Variants in RPH3AL observed in about 807,000 individuals in gnomAD.
RPH3AL encodes rab effector Noc2.
Under a neutral mutation model 43.1 loss-of-function variants are expected in RPH3AL, and 38 were observed. The ratio of observed to expected loss-of-function variants is 0.88; its 90% CI spans 0.68 to 1.15. The LOEUF is 1.15. RPH3AL is among the 50% of genes most tolerant of loss of function. The pLI, the probability that RPH3AL is intolerant of heterozygous loss-of-function variation, is 0.00. For synonymous variants in RPH3AL, 189 were observed against 176.3 expected, an observed-to-expected ratio of 1.07 and a Z score of -0.57; for missense variants, 462 against 423.2, an observed-to-expected ratio of 1.09 and a Z score of -0.81.
intron 7 of RPH3AL, among the ~76,000 whole-genome samples, chr17:228,881 A>G (rs1414810590): frequency 6.6e-6 from 1 of 152,028 alleles, no homozygotes; most frequent in African/African-American, 2.4e-5. Context: ...AGTGTGGGAG[A>G]GAGCTCTAGT....
intron 7 of RPH3AL, among the ~76,000 whole-genome samples, chr17:229,442 G>A (rs781471160): frequency 6.6e-6 from 1 of 152,250 alleles, no homozygotes; most frequent in African/African-American, 2.4e-5. Flanking sequence ...GGTCAGCAAG[G>A]GGTGGGCCAC....
chr17:249,630 T>C (rs2041840024), intron 6 of RPH3AL, among the ~76,000 whole-genome samples: 1 of 145,086 alleles, frequency 6.9e-6, no homozygotes, highest in East Asian at 2.0e-4. Context: ...CCCGCAAACT[T>C]CCTCTGCATC....
At chr17:232,769 C>T (rs886842605) in intron 7 of RPH3AL, among the ~76,000 whole-genome samples, 8 of 151,416 alleles carry the variant, frequency 5.3e-5, no homozygotes, top group Non-Finnish European at 7.4e-5. Flanking sequence ...CCTGTGGTGC[C>T]GTTCTCAGGT....
At chr17:312,228 G>C (rs73284674) in intron 5 of RPH3AL, among the ~76,000 whole-genome samples, 15,653 of 152,122 alleles carry the variant, frequency 0.1, 1,721 homozygotes, top group African/African-American at 0.28. Context: ...AGGACCCCAG[G>C]AGTTGAAGGC....
intron 1 of RPH3AL, among the ~76,000 whole-genome samples, chr17:346,900 C>A (rs1178226227): frequency 7.4e-6 from 1 of 135,394 alleles, no homozygotes; most frequent in African/African-American, 2.5e-5. Context: ...CAGCCCAGAT[C>A]CAAAACACTG....
intron 1 of RPH3AL, among the ~76,000 whole-genome samples, chr17:341,584 G>A (rs144292645): frequency 6.6e-6 from 1 of 152,250 alleles, no homozygotes; most frequent in African/African-American, 2.4e-5. Flanking sequence ...CATGACTTCA[G>A]ATTTGGCAGT....
intron 5 of RPH3AL, among the ~76,000 whole-genome samples, chr17:284,691 G>A (rs574976286): frequency 3.3e-5 from 5 of 152,264 alleles, no homozygotes; most frequent in African/African-American, 1.2e-4. Context: ...CCCGGGGGCC[G>A]CCTTCCCCTA....
intron 7 of RPH3AL, among the ~76,000 whole-genome samples, chr17:230,280 T>A (rs1432772741): frequency 1.3e-5 from 2 of 152,146 alleles, no homozygotes; most frequent in Admixed American, 1.3e-4. Flanking sequence ...CTCAAATCGA[T>A]AGAGATGTGG....
intron 6 of RPH3AL, among the ~76,000 whole-genome samples, chr17:261,193 G>C (rs2042187207): frequency 6.6e-6 from 1 of 152,212 alleles, no homozygotes; most frequent in African/African-American, 2.4e-5. Context: ...CGAGGGTGCT[G>C]GGGGCTGAAC....
Position 333,918 on chromosome 17 carries a change from A to G in RPH3AL, c.-196T>C, listed in dbSNP as rs1306163745. 1 of 152,684 alleles carries G rather than the reference A, an allele frequency of 6.5e-6. No homozygotes were observed. The highest frequency in any genetic ancestry group is 1.5e-5 in the Non-Finnish European group (1 of 68,374). 9.5% of individuals were successfully genotyped at this position (152,684 alleles called of 1,614,324 possible). A position where few individuals can be genotyped will look rare whatever the true frequency, so the allele number is the denominator to read the frequency against. ...GCGGATCTCCAATTAGATGGTTTCA[A>G]TAAGGCAGACGATCCTCTATTCGCA... On this transcript the variant is annotated 5_prime_UTR_variant, in exon 2 of 10. Coordinates refer to ENST00000331302, the MANE Select transcript of RPH3AL (RefSeq NM_006987.4). The surrounding 1 kb of genome is among the most constrained non-coding windows in gnomAD (Gnocchi z 4.5).
chr17:271,702 T>A (rs1234254217), intron 6 of RPH3AL, among the ~76,000 whole-genome samples: 2 of 152,214 alleles, frequency 1.3e-5, no homozygotes, highest in Admixed American at 6.5e-5. Flanking sequence ...TATACAATCA[T>A]GTCATCTGCA....
chr17:230,053 C>T (rs1019058209), intron 7 of RPH3AL, among the ~76,000 whole-genome samples: 4 of 152,160 alleles, frequency 2.6e-5, no homozygotes, highest in African/African-American at 9.7e-5. Flanking sequence ...ACCTGGGGAG[C>T]GCTGCTTCCT....
chr17:253,497 CT>C (rs1200914323), intron 6 of RPH3AL, among the ~76,000 whole-genome samples: 1 of 152,144 alleles, frequency 6.6e-6, no homozygotes, highest in Non-Finnish European at 1.5e-5. Context: ...ATGCGCAATC[CT>C]TTTTTAAAAA....
At chr17:282,270 C>T (rs1398161109) in intron 5 of RPH3AL, among the ~76,000 whole-genome samples, 3 of 152,228 alleles carry the variant, frequency 2.0e-5, no homozygotes, top group Non-Finnish European at 4.4e-5. Flanking sequence ...AAGAAACATA[C>T]GTTTGCGTAT....
At chr17:303,394 A>G (rs879751871) in intron 5 of RPH3AL, among the ~76,000 whole-genome samples, 6 of 152,216 alleles carry the variant, frequency 3.9e-5, no homozygotes, top group Non-Finnish European at 8.8e-5. Flanking sequence ...CTGTCTCAAA[A>G]AAACAATCAC....
chr17:241,093 A>ATAATAG (rs1313242535), intron 7 of RPH3AL, among the ~76,000 whole-genome samples: 2 of 68,420 alleles, frequency 2.9e-5, no homozygotes, highest in Non-Finnish European at 6.0e-5. Context: ...AATAATAATA[A>ATAATAG]TAATAATCTT....
chr17:340,424 A>C lies in RPH3AL; in HGVS notation c.-212-6490T>G. Reference sequence around the variant, plus strand: ...CACTGCCCCGGGCTCAGGCCTCCCCACATCCATACTCACTGCCCCCCACCC... The same window carrying C: ...CACTGCCCCGGGCTCAGGCCTCCCCCCATCCATACTCACTGCCCCCCACCC... On this transcript the variant is annotated intron_variant, in intron 1 of 9. Coordinates refer to ENST00000331302, the MANE Select transcript of RPH3AL (RefSeq NM_006987.4). Among the ~76,000 whole-genome samples, 2 of 124,204 alleles carry C rather than the reference A, an allele frequency of 1.6e-5. 1 individual carries two copies. The highest frequency in any genetic ancestry group is 3.5e-5 in the Non-Finnish European group (2 of 57,614). The allele number at this position is 124,204 out of a possible 152,430, so 81.5% of individuals were successfully genotyped here.
At chr17:238,580 T>A (rs566086490) in intron 7 of RPH3AL, among the ~76,000 whole-genome samples, 3 of 152,334 alleles carry the variant, frequency 2.0e-5, no homozygotes, top group African/African-American at 7.2e-5. Context: ...CTTGTGACCA[T>A]GAGGGAAAGA....
At chr17:247,689 G>A (rs1567582851) in intron 6 of RPH3AL, 1 of 183,670 alleles carries the variant, frequency 5.4e-6, no homozygotes, top group South Asian at 1.5e-4. Flanking sequence ...CTCTTGCAGA[G>A]CAGGGATCTC....
Sources: allele counts gnomAD v4.1 joint callset (sites outside exome capture counted in the v4.1 genomes callset), GRCh38; gene constraint gnomAD v4.1.1; non-coding constraint Gnocchi (gnomAD v3.1); transcripts MANE v1.5; gene names NCBI Gene and HGNC (gene_info 2026-07-23, HGNC 2026-07-21).